The following CYB5R2 variants were observed in gnomAD, a reference collection of about 807,000 sequenced individuals.
CYB5R2 encodes cytochrome b5 reductase 2.
A neutral mutation model predicts 29.8 loss-of-function variants in CYB5R2; 35 were observed. The ratio of observed to expected loss-of-function variants is 1.17; its 90% CI spans 0.90 to 1.56. CYB5R2 has a LOEUF of 1.56. Ranked by LOEUF, CYB5R2 falls within the 40% of genes most tolerant of loss-of-function variation. CYB5R2 has a pLI of 0.00. For missense variants in CYB5R2, 419 were observed against 346.7 expected (o/e 1.21, Z -1.66); for synonymous variants, 169 against 130.6 (o/e 1.29, Z -2.01).
chr11:7,671,678 C>G (rs1855750086), intron 3 of CYB5R2: 1 of 152,204 alleles, frequency 6.6e-6, no homozygotes, highest in Non-Finnish European at 1.5e-5. Context: ...TTGGCCTGTG[C>G]ATATAAGACA....
intron 8 of CYB5R2, 57 bp from the exon 9 acceptor site, chr11:7,665,603 C>A: frequency 1.3e-6 from 2 of 1,524,432 alleles, no homozygotes; most frequent in East Asian, 2.3e-5. Flanking sequence ...GTTCCTGATC[C>A]CAGGCCGCCT....
chr11:7,667,522 A>C lies in CYB5R2; in HGVS notation c.558+206T>G, dbSNP rs2136113252. The C allele has an allele frequency of 2.6e-5, 14 of 542,984 alleles. No homozygotes were observed. In the South Asian group the frequency reaches 3.6e-4, roughly 14 times the overall value. The allele number at this position is 542,984 out of a possible 1,614,324, so 33.6% of individuals were successfully genotyped here. On this transcript the variant is annotated intron_variant, in intron 7 of 8. Coordinates refer to ENST00000299498, the MANE Select transcript of CYB5R2 (RefSeq NM_016229.5). ...AATGCTTAGTGCTTAGGGCTGGCTGAGGAGACACAAAAGAGTTAAATACAT... is the reference window on the plus strand; with the variant it reads ...AATGCTTAGTGCTTAGGGCTGGCTGCGGAGACACAAAAGAGTTAAATACAT...
chr11:7,666,218 G>C, intron 8 of CYB5R2: 2 of 514,292 alleles, frequency 3.9e-6, no homozygotes, highest in South Asian at 2.2e-5. Context: ...TCAGTGCAGC[G>C]TGAGGTGCTG....
chr11:7,665,698 C>G, intron 8 of CYB5R2, 152 bp from the exon 9 acceptor site: 1 of 1,152,000 alleles, frequency 8.7e-7, no homozygotes, highest in Non-Finnish European at 1.2e-6. Flanking sequence ...TGCAAAAAGC[C>G]TCAGAACTAG....
At chr11:7,672,605 C>A (rs1476022610) in intron 2 of CYB5R2, 82 bp from the exon 3 acceptor site, 9 of 1,477,736 alleles carry the variant, frequency 6.1e-6, no homozygotes, top group Non-Finnish European at 7.5e-6. Flanking sequence ...AAAGGAGGTC[C>A]GTTTGGCGCT....
At chr11:7,668,154 C>T (rs533174039) in intron 6 of CYB5R2, among the ~76,000 whole-genome samples, 3 of 152,320 alleles carry the variant, frequency 2.0e-5, no homozygotes, top group Admixed American at 6.5e-5. Flanking sequence ...TGCTCTCTTT[C>T]TTCAGGCAGT....
chr11:7,672,668 C>T, intron 2 of CYB5R2, 80 bp downstream of exon 2: 2 of 1,574,050 alleles, frequency 1.3e-6, no homozygotes, highest in South Asian at 2.2e-5. Context: ...AACTGGAGGC[C>T]ATGAGATGAC....
intron 3 of CYB5R2, 141 bp downstream of exon 3, chr11:7,672,308 CTA>C: frequency 1.5e-6 from 1 of 660,846 alleles, no homozygotes; most frequent in Non-Finnish European, 2.6e-6. Flanking sequence ...ATCCCCCTAT[CTA>C]TCTCCCTGAG....
Position 7,665,399 on chromosome 11 carries a change from G to A in CYB5R2, c.806C>T (p.Thr269Ile). The change falls in exon 9 of 9, where the codon ACC becomes ATC. Residue 269 changes from threonine (T) to isoleucine (I), a missense_variant. Thr to Ile is a moderately conservative substitution (Grantham distance 89). Transcript: ENST00000299498. Reference protein sequence around the residue: ...AHPNLEKLGYTQDMIFTY With the variant: ...AHPNLEKLGYIQDMIFTY ...TTAGTAGGTGAAAATCATGTCCTGG[G>A]TATAACCCAGCTTCTCCAGGTTAGG... 1 of 1,598,564 alleles carries A rather than the reference G, an allele frequency of 6.3e-7. No individual in the cohort carries two copies. Among genetic ancestry groups the A allele is most frequent in the Admixed American group, 1.8e-5 (1 of 56,914 alleles).
At chr11:7,673,198 C>G (rs1361920566) in intron 1 of CYB5R2, 6 of 396,228 alleles carry the variant, frequency 1.5e-5, no homozygotes, top group Non-Finnish European at 2.6e-5. Flanking sequence ...GGTTCATACA[C>G]TGGAAGTCCC....
chr11:7,669,121 A>C (rs755837341), intron 5 of CYB5R2, 84 bp downstream of exon 5: 11 of 1,550,822 alleles, frequency 7.1e-6, no homozygotes, highest in Non-Finnish European at 9.8e-6. Flanking sequence ...ATGTGACTCA[A>C]ATCTGAGGAG....
intron 8 of CYB5R2, 34 bp downstream of exon 8, chr11:7,666,417 G>A (rs1448850931): frequency 9.3e-6 from 13 of 1,400,800 alleles, no homozygotes; most frequent in Non-Finnish European, 1.1e-5. Flanking sequence ...GGTTGGTGCT[G>A]ACCCATGGTG....
At position 7,669,076 on chromosome 11, in the gene CYB5R2, T is replaced by TTGTG. The variant is rs1471494569; in HGVS notation, c.388+125_388+128dup. The TTGTG allele has an allele frequency of 6.3e-6, 7 of 1,110,554 alleles. No individual in the cohort carries two copies. The Admixed American group carries it at 6.8e-5, about 11-fold the overall frequency. The allele number at this position is 1,110,554 out of a possible 1,614,324, so 68.8% of individuals were successfully genotyped here. A position where few individuals can be genotyped will look rare whatever the true frequency, so the allele number is the denominator to read the frequency against. On this transcript the variant is annotated intron_variant, in intron 5 of 8. Coordinates refer to ENST00000299498, the MANE Select transcript of CYB5R2 (RefSeq NM_016229.5). ...GTGTAACAAGTGTGATCATTATGCA[T>TTGTG]TGTGTGTGAATGAATGAAGACTAAG...
chr11:7,669,465 C>T (rs1590876314), intron 4 of CYB5R2, 131 bp from the exon 5 acceptor site: 1 of 1,274,594 alleles, frequency 7.8e-7, no homozygotes, highest in Non-Finnish European at 1.1e-6. Flanking sequence ...TGTACGCAAT[C>T]CCTGAAGATG....
chr11:7,666,382 G>C, intron 8 of CYB5R2, 69 bp downstream of exon 8: 1 of 986,160 alleles, frequency 1.0e-6, no homozygotes, highest in Non-Finnish European at 1.6e-6. Flanking sequence ...CAAAGAGACA[G>C]AGACCAGTCC....
In CYB5R2 at chr11:7,665,183, G is replaced by A. The variant is rs1432448797; in HGVS notation, c.*191C>T. On this transcript the variant is annotated 3_prime_UTR_variant, in exon 9 of 9. Transcript: ENST00000299498. ...GCTCTTTCCAGCCTCCAAGCAAGGA[G>A]GCCCCAGCAGCCAGTCTCCAGCCCC... 4 of 481,940 alleles carry A rather than the reference G, an allele frequency of 8.3e-6. No individual in the cohort carries two copies. The highest frequency in any genetic ancestry group is 1.5e-5 in the Non-Finnish European group (4 of 275,342). 29.9% of individuals were successfully genotyped at this position (481,940 alleles called of 1,614,324 possible). A position where few individuals can be genotyped will look rare whatever the true frequency, so the allele number is the denominator to read the frequency against.
At position 7,665,348 on chromosome 11, in the gene CYB5R2, G is replaced by C. The variant is rs201825053; in HGVS notation, c.*26C>G. 4.1e-6 allele frequency: 6 copies of C among 1,478,116 alleles called. No individual in the cohort carries two copies. Among genetic ancestry groups the C allele is most frequent in the East Asian group, 2.4e-5 (1 of 42,206 alleles). 91.6% of individuals were successfully genotyped at this position (1,478,116 alleles called of 1,614,324 possible). ...CTCTGAAACAGATGAAAAGGGACAT[G>C]CAAAATTGCTGAGCACGTGGAGGTG... On this transcript the variant is annotated 3_prime_UTR_variant, in exon 9 of 9. Coordinates refer to ENST00000299498, the MANE Select transcript of CYB5R2 (RefSeq NM_016229.5).
chr11:7,669,767 A>G (rs1346626804), intron 3 of CYB5R2, 36 bp from the exon 4 acceptor site: 3 of 1,476,796 alleles, frequency 2.0e-6, no homozygotes, highest in Admixed American at 1.7e-5. Flanking sequence ...GTCAAAGCAT[A>G]TTTAGCTTAA....
At chr11:7,668,055 C>T (rs762964591) in intron 6 of CYB5R2, among the ~76,000 whole-genome samples, 1 of 152,264 alleles carries the variant, frequency 6.6e-6, no homozygotes, top group Non-Finnish European at 1.5e-5. Context: ...TCTTCAGTGT[C>T]CTCATTCATC....
Sources: allele counts gnomAD v4.1 joint callset (sites outside exome capture counted in the v4.1 genomes callset), GRCh38; gene constraint gnomAD v4.1.1; transcripts MANE v1.5; gene names NCBI Gene and HGNC (gene_info 2026-07-23, HGNC 2026-07-21).